AVEN: variants seen among roughly 807,000 people sequenced by gnomAD.
The protein encoded by AVEN is cell death regulator Aven.
AVEN carries 41 observed loss-of-function variants against 38.1 expected under a neutral mutation model. That is an observed-to-expected ratio of 1.08 (90% CI 0.84 to 1.40). The LOEUF is 1.40. AVEN is among the 40% of genes most tolerant of loss of function. AVEN has a pLI of 0.00. For missense variants in AVEN, 605 were observed against 438.8 expected, an observed-to-expected ratio of 1.38 and a Z score of -3.38; for synonymous variants, 206 against 171.8, an observed-to-expected ratio of 1.20 and a Z score of -1.56.
At chr15:34,068,564 A>G (rs1900564419) in intron 2 of AVEN, among the ~76,000 whole-genome samples, 1 of 152,190 alleles carries the variant, frequency 6.6e-6, no homozygotes, top group South Asian at 2.1e-4. Flanking sequence ...CAATACAAAT[A>G]TAAAAATCAG....
At chr15:33,895,415 T>C (rs1231548033) in intron 2 of AVEN, among the ~76,000 whole-genome samples, 2 of 151,756 alleles carry the variant, frequency 1.3e-5, no homozygotes, top group Non-Finnish European at 2.9e-5. Flanking sequence ...AGCCTCAATC[T>C]CCCAGGCTCA....
At chr15:34,067,840 G>A (rs1298255460) in intron 2 of AVEN, among the ~76,000 whole-genome samples, 2 of 152,130 alleles carry the variant, frequency 1.3e-5, no homozygotes, top group African/African-American at 2.4e-5. Flanking sequence ...CCCATTGTAA[G>A]TGATACTAAT....
intron 4 of AVEN, among the ~76,000 whole-genome samples, chr15:33,868,711 T>C (rs186324165): frequency 2.0e-5 from 3 of 152,268 alleles, no homozygotes; most frequent in Admixed American, 6.5e-5. Flanking sequence ...ATGATTGTAT[T>C]TGTAAAAAGT....
intron 2 of AVEN, among the ~76,000 whole-genome samples, chr15:33,992,499 C>T (rs977943028): frequency 2.6e-5 from 4 of 151,966 alleles, no homozygotes; most frequent in African/African-American, 9.7e-5. Flanking sequence ...TTTGGTTATC[C>T]AATTGAAAAT....
intron 1 of AVEN, among the ~76,000 whole-genome samples, chr15:34,033,140 T>C (rs1016827776): frequency 2.0e-5 from 3 of 152,158 alleles, no homozygotes; most frequent in African/African-American, 7.2e-5. Context: ...CAATAAGTAA[T>C]GTTCATCCAC....
rs190541621 is a variant in AVEN, at chr15:34,025,867, C to T, written c.267+12913G>A. Among the ~76,000 whole-genome samples, 8 of 152,194 alleles carry T rather than the reference C, an allele frequency of 5.3e-5. No homozygotes were observed. The East Asian group carries it at 1.5e-3, about 29-fold the overall frequency. On this transcript the variant is annotated intron_variant, in intron 1 of 5. Transcript: ENST00000306730. ...AGTGATCATCTTGCCCCACAAAGCC[C>T]GTGTTTACACTTACCACACACAATA...
chr15:33,883,512 C>G (rs1367247606), intron 2 of AVEN: 1 of 152,020 alleles, frequency 6.6e-6, no homozygotes, highest in African/African-American at 2.4e-5. Context: ...CAGAAAGATA[C>G]CCATTATCTC....
chr15:34,038,004 G>T (rs1045342808), intron 1 of AVEN, among the ~76,000 whole-genome samples: 2 of 152,130 alleles, frequency 1.3e-5, no homozygotes, highest in African/African-American at 4.8e-5. Flanking sequence ...CTGAGATATG[G>T]TTAGCTTTGC....
intron 2 of AVEN, among the ~76,000 whole-genome samples, chr15:33,897,982 G>A (rs1031185669): frequency 7.9e-5 from 12 of 152,216 alleles, no homozygotes; most frequent in African/African-American, 2.9e-4. Flanking sequence ...AAGGTCAGGA[G>A]ATCGAGACCA....
intron 2 of AVEN, among the ~76,000 whole-genome samples, chr15:33,956,922 C>T (rs1452851468): frequency 1.3e-5 from 2 of 152,142 alleles, no homozygotes; most frequent in Non-Finnish European, 2.9e-5. Flanking sequence ...CCATCTTTTT[C>T]CCCAGTGATG....
chr15:33,972,622 AT>A (rs1339342635), intron 2 of AVEN: 1 of 152,278 alleles, frequency 6.6e-6, no homozygotes, highest in East Asian at 1.9e-4. Flanking sequence ...TTTGTAAAAA[AT>A]AAATAAAAAT....
intron 2 of AVEN, among the ~76,000 whole-genome samples, chr15:33,949,631 A>C (rs1038978028): frequency 2.0e-5 from 3 of 152,178 alleles, no homozygotes; most frequent in Non-Finnish European, 4.4e-5. Flanking sequence ...GGGTGATGGA[A>C]ACATTGTAAA....
chr15:33,939,350 G>A (rs573297874), intron 2 of AVEN, among the ~76,000 whole-genome samples: 2 of 152,326 alleles, frequency 1.3e-5, no homozygotes, highest in East Asian at 3.9e-4. Flanking sequence ...CATTTTAGGA[G>A]ACAGGAGCAT....
At chr15:34,032,521 G>A (rs941112102) in intron 1 of AVEN, among the ~76,000 whole-genome samples, 1 of 152,118 alleles carries the variant, frequency 6.6e-6, no homozygotes, top group South Asian at 2.1e-4. Context: ...TGGATAGCCA[G>A]AAAACAAAAA....
chr15:34,012,325 A>G (rs1013197916), intron 1 of AVEN, among the ~76,000 whole-genome samples: 3 of 152,220 alleles, frequency 2.0e-5, no homozygotes, highest in African/African-American at 7.2e-5. Context: ...TATAAGTAAA[A>G]CATTTCCTTT....
At chr15:33,956,411 A>T (rs777050818) in intron 2 of AVEN, among the ~76,000 whole-genome samples, 1 of 152,228 alleles carries the variant, frequency 6.6e-6, no homozygotes, top group Non-Finnish European at 1.5e-5. Flanking sequence ...ATTTCAGTGT[A>T]ATTAATTTGC....
At chr15:34,041,411 A>G (rs1899472675), upstream of AVEN, among the ~76,000 whole-genome samples, 1 of 152,202 alleles carries the variant, frequency 6.6e-6, no homozygotes, top group African/African-American at 2.4e-5. Context: ...AATGTCTGGT[A>G]TGAGATTAAT....
intron 1 of AVEN, among the ~76,000 whole-genome samples, chr15:34,006,095 A>G (rs554980299): frequency 1.3e-5 from 2 of 152,210 alleles, no homozygotes; most frequent in South Asian, 4.1e-4. Flanking sequence ...GCAGATCACA[A>G]GGTGAGGAGA....
chr15:34,049,644 G>T (rs1441543787), intron 5 of AVEN, among the ~76,000 whole-genome samples: 1 of 152,124 alleles, frequency 6.6e-6, no homozygotes, highest in Non-Finnish European at 1.5e-5. Flanking sequence ...CCCCAACCTA[G>T]CAAGTCAGGC....
Sources: allele counts gnomAD v4.1 joint callset (sites outside exome capture counted in the v4.1 genomes callset), GRCh38; gene constraint gnomAD v4.1.1; transcripts MANE v1.5; gene names NCBI Gene and HGNC (gene_info 2026-07-23, HGNC 2026-07-21).